Variants in PRKD3 observed in about 807,000 individuals in gnomAD.
PRKD3 encodes the protein serine/threonine-protein kinase D3.
In PRKD3, 47 loss-of-function variants were observed where a neutral mutation model predicts 99.2. That is an observed-to-expected ratio of 0.47 (90% CI 0.38 to 0.60). The LOEUF is 0.60. Ranked by LOEUF, PRKD3 falls within the 20% of genes least tolerant of loss-of-function variation. The pLI, the probability that PRKD3 is intolerant of heterozygous loss-of-function variation, is 0.00. For synonymous variants in PRKD3, 392 were observed against 355.4 expected, an observed-to-expected ratio of 1.10 and a Z score of -1.16; for missense variants, 1,019 against 1,088.4, an observed-to-expected ratio of 0.94 and a Z score of 0.90.
intron 2 of PRKD3, among the ~76,000 whole-genome samples, chr2:37,315,810 G>A (rs945919077): frequency 2.6e-5 from 4 of 152,160 alleles, no homozygotes; most frequent in Admixed American, 1.3e-4. Context: ...AACCTCCGCC[G>A]CCTGCCCTGC....
intron 4 of PRKD3, 106 bp from the exon 5 acceptor site, chr2:37,289,619 G>T: frequency 1.0e-6 from 1 of 953,260 alleles, no homozygotes; most frequent in Non-Finnish European, 1.5e-6. Context: ...TTTTCTGTTA[G>T]CCATACCTAT....
chr2:37,253,654 C>T (rs1486517763), intron 18 of PRKD3, among the ~76,000 whole-genome samples: 5 of 152,096 alleles, frequency 3.3e-5, no homozygotes, highest in Admixed American at 1.3e-4. Context: ...TTCTATACAA[C>T]GTGAGGCCTA....
At chr2:37,266,958 AAC>A (rs1369043596) in intron 14 of PRKD3, among the ~76,000 whole-genome samples, 2 of 152,236 alleles carry the variant, frequency 1.3e-5, no homozygotes, top group Non-Finnish European at 1.5e-5. Context: ...CTAGATGAAA[AAC>A]ACATAGGAAT....
At chr2:37,262,902 C>CG (rs1553366978) in intron 14 of PRKD3, among the ~76,000 whole-genome samples, 15 of 151,578 alleles carry the variant, frequency 9.9e-5, no homozygotes, top group East Asian at 5.9e-4. Context: ...CCTTCCCCCC[C>CG]CCGTATTTGT....
chr2:37,278,072 A>G (rs1303477232), intron 8 of PRKD3, 83 bp from the exon 9 acceptor site: 3 of 1,210,024 alleles, frequency 2.5e-6, no homozygotes, highest in African/African-American at 3.1e-5. Context: ...GCCTTTTTAA[A>G]GACAACTGAG....
intron 12 of PRKD3, 104 bp from the exon 13 acceptor site, chr2:37,269,791 A>G (rs2148525006): frequency 1.2e-6 from 1 of 826,474 alleles, no homozygotes; most frequent in East Asian, 2.7e-5. Context: ...TTATGTTAGA[A>G]GCAGCTAATT....
At chr2:37,308,907 T>C (rs1203760235) in intron 2 of PRKD3, among the ~76,000 whole-genome samples, 1 of 152,186 alleles carries the variant, frequency 6.6e-6, no homozygotes, top group Non-Finnish European at 1.5e-5. Flanking sequence ...TATCTATTTA[T>C]GTTCAGATAG....
chr2:37,287,289 A>G (rs1372338462), intron 5 of PRKD3, among the ~76,000 whole-genome samples: 1 of 148,142 alleles, frequency 6.8e-6, no homozygotes, highest in African/African-American at 2.5e-5. Flanking sequence ...AGAAAAAGAA[A>G]AATACCTGCC....
In PRKD3 at chr2:37,256,654, T is replaced by A; in HGVS notation, c.2413+8A>T. ...TTTTTTTTTTTTTTTTTTTTTTTTT[T>A]TTTTTACCTTCACCAGAAATTTCTC... On this transcript the variant is annotated splice_region_variant and intron_variant, in intron 17 of 18. Coordinates refer to ENST00000234179, the MANE Select transcript of PRKD3 (RefSeq NM_005813.6). The A allele has an allele frequency of 7.3e-7, 1 of 1,377,262 alleles. No homozygotes were observed. The highest frequency in any genetic ancestry group is 3.0e-5 in the Admixed American group (1 of 33,516). The allele number at this position is 1,377,262 out of a possible 1,614,324, so 85.3% of individuals were successfully genotyped here. A position where few individuals can be genotyped will look rare whatever the true frequency, so the allele number is the denominator to read the frequency against.
At chr2:37,281,570 C>G (rs1191668958) in intron 7 of PRKD3, among the ~76,000 whole-genome samples, 6 of 152,124 alleles carry the variant, frequency 3.9e-5, no homozygotes, top group African/African-American at 1.2e-4. Flanking sequence ...TGCCATCAAC[C>G]AGGAAACGGA....
chr2:37,275,729 T>C (rs1448038616), intron 10 of PRKD3, 38 bp downstream of exon 10: 1 of 1,563,946 alleles, frequency 6.4e-7, no homozygotes, highest in Non-Finnish European at 8.7e-7. Context: ...ACATACACTA[T>C]CTTAATGCTT....
At chr2:37,284,936 T>TCC (rs1285904281) in intron 6 of PRKD3, among the ~76,000 whole-genome samples, 3 of 152,032 alleles carry the variant, frequency 2.0e-5, no homozygotes, top group Non-Finnish European at 4.4e-5. Context: ...ATGCTATCCC[T>TCC]CCCCCCTCAG....
intron 11 of PRKD3, 78 bp downstream of exon 11, chr2:37,274,343 A>G: frequency 6.7e-7 from 1 of 1,501,722 alleles, no homozygotes; most frequent in South Asian, 1.2e-5. Flanking sequence ...ATTAAAAGGA[A>G]CAAAGGAACA....
intron 16 of PRKD3, among the ~76,000 whole-genome samples, chr2:37,259,309 G>T (rs1389321517): frequency 6.6e-6 from 1 of 152,220 alleles, no homozygotes; most frequent in Admixed American, 6.5e-5. Context: ...AACCAAGGTT[G>T]ATACTTGCTC....
chr2:37,306,404 G>A (rs1301579292), intron 2 of PRKD3, among the ~76,000 whole-genome samples: 1 of 152,150 alleles, frequency 6.6e-6, no homozygotes, highest in Non-Finnish European at 1.5e-5. Flanking sequence ...GATCTTGTTT[G>A]TTGTTAATTT....
rs2124903729 is a variant in PRKD3, at chr2:37,316,622, T to C, written c.-98A>G. Reference sequence around the variant, plus strand: ...AGCAGTAAAGAAAATGACCGCACTTTTGGATTTAGTTGAAAACTTCTTTAT... The same window carrying C: ...AGCAGTAAAGAAAATGACCGCACTTCTGGATTTAGTTGAAAACTTCTTTAT... On this transcript the variant is annotated 5_prime_UTR_variant, in exon 2 of 19. Coordinates refer to ENST00000234179, the MANE Select transcript of PRKD3 (RefSeq NM_005813.6). 6.7e-7 allele frequency: 1 copy of C among 1,497,978 alleles called. No individual in the cohort carries two copies. The highest frequency in any genetic ancestry group is 8.8e-7 in the Non-Finnish European group (1 of 1,130,606). The allele number at this position is 1,497,978 out of a possible 1,614,324, so 92.8% of individuals were successfully genotyped here. A position where few individuals can be genotyped will look rare whatever the true frequency, so the allele number is the denominator to read the frequency against.
chr2:37,298,901 T>C (rs1670788685), intron 2 of PRKD3, among the ~76,000 whole-genome samples: 2 of 152,246 alleles, frequency 1.3e-5, no homozygotes, highest in African/African-American at 2.4e-5. Context: ...CCTTTCCAAT[T>C]TGGATACCAT....
intron 3 of PRKD3, among the ~76,000 whole-genome samples, chr2:37,291,617 AT>A (rs1465580073): frequency 6.6e-6 from 1 of 152,240 alleles, no homozygotes; most frequent in Non-Finnish European, 1.5e-5. Flanking sequence ...CTCCTCAGGA[AT>A]GAAGAGGAGG....
chr2:37,271,725 T>C (rs1460712509), intron 12 of PRKD3, among the ~76,000 whole-genome samples: 1 of 152,206 alleles, frequency 6.6e-6, no homozygotes, highest in Non-Finnish European at 1.5e-5. Context: ...TCTGATGATC[T>C]GACACGGTTC....
Sources: gnomAD v4.1 joint callset for allele counts (sites outside exome capture counted in the v4.1 genomes callset) on GRCh38, gnomAD v4.1.1 for gene constraint, MANE v1.5 for transcripts, NCBI Gene and HGNC (gene_info 2026-07-23, HGNC 2026-07-21) for gene names.